The following SUMF1 variants were observed in gnomAD, a reference collection of about 807,000 sequenced individuals.
SUMF1 encodes sulfatase modifying factor 1, also known as formylglycine-generating enzyme.
Under a neutral mutation model 47.6 loss-of-function variants are expected in SUMF1, and 48 were observed. The observed-to-expected ratio is 1.01, with a 90% CI of 0.80 to 1.28. The LOEUF is 1.28. Ranked by LOEUF, SUMF1 falls within the 50% of genes most tolerant of loss-of-function variation. The probability of loss-of-function intolerance (pLI) is 0.00; values close to 1 mark genes in which losing one functional copy is unlikely to be tolerated. For missense variants in SUMF1, 571 were observed against 485.4 expected (o/e 1.18, Z -1.66); for synonymous variants, 230 against 192.1 (o/e 1.20, Z -1.63).
intron 8 of SUMF1, among the ~76,000 whole-genome samples, chr3:4,131,522 G>A (rs1693788696): frequency 6.6e-6 from 1 of 152,198 alleles, no homozygotes. Flanking sequence ...AATCTTCCCA[G>A]TGGGCAGTAC....
intron 9 of SUMF1, among the ~76,000 whole-genome samples, chr3:4,066,814 G>A (rs538663728): frequency 3.0e-4 from 45 of 152,214 alleles, no homozygotes; most frequent in Non-Finnish European, 4.3e-4. Flanking sequence ...GACCTAGACC[G>A]AACACCTGGC....
chr3:4,042,674 T>C (rs1487259130), intron 9 of SUMF1, among the ~76,000 whole-genome samples: 1 of 152,190 alleles, frequency 6.6e-6, no homozygotes, highest in Non-Finnish European at 1.5e-5. Context: ...GGCACAGCAG[T>C]CTCATTGCAG....
intron 8 of SUMF1, among the ~76,000 whole-genome samples, chr3:4,178,929 C>T (rs1176238175): frequency 6.6e-6 from 1 of 152,122 alleles, no homozygotes; most frequent in Non-Finnish European, 1.5e-5. Context: ...CATGAATGAA[C>T]TCCCATTCAC....
chr3:4,188,951 T>C (rs1004799060), intron 8 of SUMF1, among the ~76,000 whole-genome samples: 1 of 152,202 alleles, frequency 6.6e-6, no homozygotes, highest in African/African-American at 2.4e-5. Context: ...TTATTAGCTT[T>C]AACTGTATAA....
chr3:4,049,613 G>A (rs962021588), intron 9 of SUMF1, among the ~76,000 whole-genome samples: 2 of 152,210 alleles, frequency 1.3e-5, no homozygotes. Context: ...AAGCACCCCT[G>A]GGCTCCAGCC....
chr3:4,266,452 T>C (rs1697196780), intron 8 of SUMF1, among the ~76,000 whole-genome samples: 1 of 152,178 alleles, frequency 6.6e-6, no homozygotes, highest in African/African-American at 2.4e-5. Context: ...TCACATCCCT[T>C]GTAAGTTGGA....
intron 7 of SUMF1, among the ~76,000 whole-genome samples, chr3:4,393,684 G>T (rs920086099): frequency 6.6e-6 from 1 of 151,518 alleles, no homozygotes; most frequent in Non-Finnish European, 1.5e-5. Context: ...AATAGAGTGT[G>T]GCAGAAAGAG....
At chr3:4,462,676 T>C (rs1440784648) in intron 1 of SUMF1, among the ~76,000 whole-genome samples, 1 of 152,232 alleles carries the variant, frequency 6.6e-6, no homozygotes, top group Non-Finnish European at 1.5e-5. Context: ...CTAAAGGCTC[T>C]TGTTCTGAGT....
intron 7 of SUMF1, among the ~76,000 whole-genome samples, chr3:4,407,902 C>T: frequency 6.6e-6 from 1 of 152,150 alleles, no homozygotes; most frequent in Non-Finnish European, 1.5e-5. Context: ...TTGGTTGGCA[C>T]CCTGAAGAAC....
chr3:4,295,425 AC>A (rs1257865564), intron 8 of SUMF1, among the ~76,000 whole-genome samples: 1 of 151,852 alleles, frequency 6.6e-6, no homozygotes, highest in Non-Finnish European at 1.5e-5. Context: ...TGCTTTCAAA[AC>A]TGCAAGCAGA....
intron 3 of SUMF1, among the ~76,000 whole-genome samples, chr3:4,421,815 T>C (rs773754765): frequency 3.9e-5 from 6 of 152,126 alleles, no homozygotes; most frequent in Non-Finnish European, 7.4e-5. Flanking sequence ...CAAATACAAA[T>C]ACAAAAGAAA....
Position 4,361,599 on chromosome 3 carries a change from A to G in SUMF1, c.*545T>C, listed in dbSNP as rs1167931919. On this transcript the variant is annotated 3_prime_UTR_variant, in exon 9 of 9. Coordinates refer to ENST00000272902, the MANE Select transcript of SUMF1 (RefSeq NM_182760.4). ...ACCCCTCTTCCGAAAATAATACATA[A>G]GAGAACTCTTACTTTACATGATTAG... 1 of 161,326 alleles carries G rather than the reference A, an allele frequency of 6.2e-6. No individual in the cohort carries two copies. Among genetic ancestry groups the G allele is most frequent in the African/African-American group, 2.4e-5 (1 of 41,548 alleles). The allele number at this position is 161,326 out of a possible 1,614,324, so 10.0% of individuals were successfully genotyped here.
At chr3:4,311,781 T>C (rs1440834918) in intron 8 of SUMF1, among the ~76,000 whole-genome samples, 1 of 152,234 alleles carries the variant, frequency 6.6e-6, no homozygotes, top group Non-Finnish European at 1.5e-5. Context: ...CTTACCTGTT[T>C]ATAAGTCTCA....
intron 8 of SUMF1, among the ~76,000 whole-genome samples, chr3:4,283,900 G>A (rs1463656247): frequency 6.6e-6 from 1 of 152,128 alleles, no homozygotes; most frequent in Non-Finnish European, 1.5e-5. Flanking sequence ...GGTAGAAGAG[G>A]TATGGGATCT....
At chr3:4,433,300 C>T (rs140519361) in intron 3 of SUMF1, among the ~76,000 whole-genome samples, 1 of 152,274 alleles carries the variant, frequency 6.6e-6, no homozygotes, top group Admixed American at 6.5e-5. Flanking sequence ...AAATCTGCAC[C>T]TCTGGGACCC....
At chr3:4,387,140 A>G (rs565656127) in intron 7 of SUMF1, among the ~76,000 whole-genome samples, 4 of 151,976 alleles carry the variant, frequency 2.6e-5, no homozygotes, top group African/African-American at 9.6e-5. Flanking sequence ...CCTTCTTTTC[A>G]TTTTCTAAAA....
At chr3:4,107,968 G>C (rs1345764102) in intron 8 of SUMF1, among the ~76,000 whole-genome samples, 1 of 152,072 alleles carries the variant, frequency 6.6e-6, no homozygotes, top group African/African-American at 2.4e-5. Flanking sequence ...AAGAGATAAG[G>C]AGGTCAGGAA....
intron 3 of SUMF1, among the ~76,000 whole-genome samples, chr3:4,433,649 G>C (rs999184515): frequency 1.3e-5 from 2 of 152,206 alleles, no homozygotes; most frequent in Non-Finnish European, 2.9e-5. Context: ...CATGAAATGG[G>C]TCATACCAGG....
At chr3:4,353,915 G>T (rs926201205) in intron 8 of SUMF1, among the ~76,000 whole-genome samples, 1 of 152,148 alleles carries the variant, frequency 6.6e-6, no homozygotes, top group Non-Finnish European at 1.5e-5. Context: ...CCAGGCTGGA[G>T]TGCAGCAGTG....
Sources: allele counts gnomAD v4.1 joint callset (sites outside exome capture counted in the v4.1 genomes callset), GRCh38; gene constraint gnomAD v4.1.1; transcripts MANE v1.5; gene names NCBI Gene and HGNC (gene_info 2026-07-23, HGNC 2026-07-21).